TTN: variants seen among roughly 807,000 people sequenced by gnomAD.
The protein encoded by TTN is connectin.
Under a neutral mutation model 3,223.0 loss-of-function variants are expected in TTN, and 1,525 were observed. The observed-to-expected ratio is 0.47, with a 90% CI of 0.45 to 0.49. TTN has a LOEUF of 0.49. Among genes scored for constraint, TTN ranks in the 20% least tolerant of loss-of-function variants. The pLI is 0.00. For synonymous variants in TTN, 14,094 were observed against 15,161.0 expected, an observed-to-expected ratio of 0.93 and a Z score of 5.17; for missense variants, 40,786 against 43,424.0, an observed-to-expected ratio of 0.94 and a Z score of 5.40.
chr2:178,784,535 C>G (rs1272707347), intron 15 of TTN, among the ~76,000 whole-genome samples, 184 bp from the exon 16 acceptor site: 1 of 152,122 alleles, frequency 6.6e-6, no homozygotes. Context: ...CCTTGTCATG[C>G]CTGTTAGTTT....
chr2:178,620,429 G>T lies in TTN; in HGVS notation c.46092C>A (p.Gly15364=), dbSNP rs1469653601. The T allele has an allele frequency of 1.9e-6, 3 of 1,612,260 alleles. No individual in the cohort carries two copies. Among genetic ancestry groups the T allele is most frequent in the Non-Finnish European group, 2.5e-6 (3 of 1,178,890 alleles). Residue 15364 remains glycine, a synonymous_variant, in exon 248 of 363, where the codon GGC becomes GGA. Transcript: ENST00000589042. ...YKHMLTIKDC[G]FPDEGEYIVT... is the part of the protein sequence containing the mutation. ...CAATGTATTCACCTTCATCTGGGAA[G>T]CCACAGTCTTTAATGGTTAACATGT...
In TTN at chr2:178,601,791, T is replaced by C. The variant is rs1191310144; in HGVS notation, c.55303-4A>G. The C allele has an allele frequency of 2.5e-6, 4 of 1,601,704 alleles. No homozygotes were observed. In the Admixed American group the frequency reaches 6.9e-5, roughly 28 times the overall value. On this transcript the variant is annotated splice_polypyrimidine_tract_variant and splice_region_variant and intron_variant, in intron 285 of 362. Coordinates refer to ENST00000589042, the MANE Select transcript of TTN (RefSeq NM_001267550.2). Reference sequence around the variant, plus strand: ...AGGAGTTTTCAGCAGTCTCCAGCTGTACAAAGAAAATAGTAGTCATACATT... The same window carrying C: ...AGGAGTTTTCAGCAGTCTCCAGCTGCACAAAGAAAATAGTAGTCATACATT...
intron 3 of TTN, among the ~76,000 whole-genome samples, chr2:178,801,062 T>G (rs1272994178): frequency 6.6e-6 from 1 of 152,218 alleles, no homozygotes; most frequent in Non-Finnish European, 1.5e-5. Context: ...CATATTCCAG[T>G]AAGTTGCATT....
chr2:178,739,108 A>G, intron 48 of TTN, 33 bp downstream of exon 48: 1 of 1,486,612 alleles, frequency 6.7e-7, no homozygotes, highest in Non-Finnish European at 8.9e-7. Context: ...AGTGAATGTT[A>G]GCATTTGATC....
At position 178,768,114 on chromosome 2, in the gene TTN, C is replaced by T. The variant is rs2090837308; in HGVS notation, c.9205G>A (p.Val3069Ile). The change falls in exon 39 of 363, where the codon GTA becomes ATA. Residue 3069 changes from valine to isoleucine, a missense_variant. Transcript: ENST00000589042. The stretch of plus-strand genomic sequence containing the variant: ...AACATGGCTCGCTTCTTCTCCAGTA[C>T]CTTAATGTCCTTAATGTGTTTCCTA... ...EFRKHIKDIK[V>I]LEKKRAMFEC... is the part of the protein sequence containing the mutation. 2 of 1,614,038 alleles carry T rather than the reference C, an allele frequency of 1.2e-6. No homozygotes were observed. Among genetic ancestry groups the T allele is most frequent in the East Asian group, 2.2e-5 (1 of 44,814 alleles).
chr2:178,552,757 A>G lies in TTN; in HGVS notation c.90143T>C (p.Ile30048Thr), dbSNP rs760605469. ...SMKDSTKTSVILSWTKPDFDG... is the reference protein window; with the variant it reads ...SMKDSTKTSVTLSWTKPDFDG... Reference sequence around the variant, plus strand: ...AAAGTCAGGTTTGGTCCAGCTGAGGATGACAGATGTCTTTGTTGAGTCTTT... The same window carrying G: ...AAAGTCAGGTTTGGTCCAGCTGAGGGTGACAGATGTCTTTGTTGAGTCTTT... The change falls in exon 335 of 363, where the codon ATC (isoleucine) becomes ACC (threonine). Residue 30048 changes from isoleucine (I) to threonine (T), a missense_variant. Transcript: ENST00000589042. 1.9e-6 allele frequency: 3 copies of G among 1,613,844 alleles called. No individual in the cohort carries two copies. The highest frequency in any genetic ancestry group is 2.5e-6 in the Non-Finnish European group (3 of 1,179,846).
chr2:178,540,574 T>C (rs1289517617), intron 350 of TTN, among the ~76,000 whole-genome samples: 3 of 152,114 alleles, frequency 2.0e-5, no homozygotes, highest in African/African-American at 7.2e-5. Flanking sequence ...GGGCAGATAC[T>C]TGAGGTCAGG....
intron 69 of TTN, 58 bp from the exon 70 acceptor site, chr2:178,726,104 T>G: frequency 4.0e-6 from 6 of 1,486,218 alleles, no homozygotes; most frequent in Non-Finnish European, 5.4e-6. Context: ...AAATGAAAAT[T>G]TTTTATTTGT....
intron 336 of TTN, chr2:178,550,689 T>C: frequency 2.2e-6 from 1 of 458,568 alleles, no homozygotes; most frequent in South Asian, 2.6e-5. Flanking sequence ...GAGAACCTTT[T>C]CTTTATGTAC....
In TTN at chr2:178,618,673, T is replaced by C. The variant is rs753479822; in HGVS notation, c.46877A>G (p.Glu15626Gly). The C allele has an allele frequency of 6.2e-7, 1 of 1,612,314 alleles. No individual in the cohort carries two copies. Among genetic ancestry groups the C allele is most frequent in the Admixed American group, 1.7e-5 (1 of 59,868 alleles). Residue 15626 changes from glutamate to glycine, a missense_variant, in exon 251 of 363, where the codon GAA becomes GGA. Transcript: ENST00000589042. ...TAEQTSFRIL[E>G]AKKGDKGRYK... is the part of the protein sequence containing the mutation. ...CCTCCCTTTGTCTCCTTTCTTGGCT[T>C]CTAAAATTCTGAAAGAAGTTTGTTC...
rs368329612 is a variant in TTN at position 178,740,590 on chromosome 2, G to T, written c.12643C>A (p.Gln4215Lys). The change falls in exon 48 of 363, where the codon CAG (glutamine) becomes AAG (lysine). Residue 4215 changes from glutamine (Q) to lysine (K), a missense_variant. Physicochemically the swap from Gln to Lys is moderately conservative, Grantham distance 53. Coordinates refer to ENST00000589042, the MANE Select transcript of TTN (RefSeq NM_001267550.2). ...TGCATTGGAGGTTCTATTGAAGACTGTGGATAATTCCCTTCAGGTTCAGCT... is the reference window on the plus strand; with the variant it reads ...TGCATTGGAGGTTCTATTGAAGACTTTGGATAATTCCCTTCAGGTTCAGCT... ...LLAEPEGNYP[Q>K]SSIEPPMHSY... The T allele has an allele frequency of 1.2e-6, 2 of 1,613,748 alleles. No homozygotes were observed. The highest frequency in any genetic ancestry group is 1.7e-6 in the Non-Finnish European group (2 of 1,179,832).
chr2:178,748,957 T>C (rs776161581), intron 47 of TTN: 1 of 1,612,578 alleles, frequency 6.2e-7, no homozygotes, highest in Non-Finnish European at 8.5e-7. Context: ...GATTAACAAT[T>C]GATGTTCTGG....
At position 178,731,501 on chromosome 2, in the gene TTN, G is replaced by A. The variant is rs1330331184; in HGVS notation, c.17265C>T (p.Gly5755=). The part of the protein sequence containing the change: ...GTAAFQATLK[G]SLPITVTWLK... ...GCCAAGTCACCGTAATTGGCAAGGA[G>A]CCCTTCAGAGTGGCCTGGAAGGCAG... Residue 5755 remains glycine, a synonymous_variant, in exon 59 of 363, where the codon GGC becomes GGT. Transcript: ENST00000589042. The A allele has an allele frequency of 1.2e-6, 2 of 1,613,562 alleles. No homozygotes were observed. Among genetic ancestry groups the A allele is most frequent in the Admixed American group, 1.7e-5 (1 of 59,976 alleles).
chr2:178,729,447 T>C lies in TTN; in HGVS notation c.18709A>G (p.Arg6237Gly). 1 of 1,613,662 alleles carries C rather than the reference T, an allele frequency of 6.2e-7. No homozygotes were observed. ...PFEVTWLKNN[R>G]EIRSSKKYTL... ...TATTTTTTGCTGCTTCGAATTTCCC[T>C]GTTATTCTTCAGCCAAGTGACTTCA... Residue 6237 changes from arginine to glycine, a missense_variant, in exon 64 of 363, where the codon AGG (arginine) becomes GGG (glycine). Coordinates refer to ENST00000589042, the MANE Select transcript of TTN (RefSeq NM_001267550.2).
In TTN at chr2:178,634,353, T is replaced by G. The variant is rs759780488; in HGVS notation, c.42415+13A>C. 2 of 1,596,514 alleles carry G rather than the reference T, an allele frequency of 1.3e-6. No homozygotes were observed. The highest frequency in any genetic ancestry group is 3.7e-5 in the Admixed American group (2 of 54,272). ...CCTTTATGGGATGTCACAGATCTCA[T>G]TAGCTCGCTTACCTGTGACAAACAA... On this transcript the variant is annotated intron_variant, in intron 230 of 362. Coordinates refer to ENST00000589042, the MANE Select transcript of TTN (RefSeq NM_001267550.2). This position sits in a 1 kb window ranked among gnomAD's most constrained non-coding sequence, Gnocchi z 4.6.
Position 178,591,452 on chromosome 2 carries a change from C to A in TTN, c.60273G>T (p.Lys20091Asn). Residue 20091 changes from lysine to asparagine, a missense_variant, in exon 304 of 363, where the codon AAG becomes AAT. Coordinates refer to ENST00000589042, the MANE Select transcript of TTN (RefSeq NM_001267550.2). ...CAGGGAATCTGACTGTGGTTCCAGCCTTTACCACAAGACCTTCAATTAATT... is the reference window on the plus strand; with the variant it reads ...CAGGGAATCTGACTGTGGTTCCAGCATTTACCACAAGACCTTCAATTAATT... ...DVKLIEGLVV[K>N]AGTTVRFPAI... The A allele has an allele frequency of 1.3e-6, 2 of 1,597,368 alleles. No homozygotes were observed. The highest frequency in any genetic ancestry group is 1.7e-6 in the Non-Finnish European group (2 of 1,173,560).
At chr2:178,623,754 A>T (rs1485442016) in intron 242 of TTN, among the ~76,000 whole-genome samples, 1 of 151,966 alleles carries the variant, frequency 6.6e-6, no homozygotes, top group Non-Finnish European at 1.5e-5. Context: ...TGCACAAAAA[A>T]TTTGCAGAAA....
At chr2:178,746,715 T>C (rs2083669973) in intron 47 of TTN, 1 of 1,613,488 alleles carries the variant, frequency 6.2e-7, no homozygotes, top group Non-Finnish European at 8.5e-7. Flanking sequence ...TCCATTTTGA[T>C]TCTTTCATCT....
chr2:178,800,030 G>T, intron 4 of TTN, 120 bp from the exon 5 acceptor site: 1 of 1,122,822 alleles, frequency 8.9e-7, no homozygotes, highest in Non-Finnish European at 1.3e-6. Flanking sequence ...GGAGAAAATT[G>T]CAGAAAGTTT....
Sources: gnomAD v4.1 joint callset for allele counts (sites outside exome capture counted in the v4.1 genomes callset) on GRCh38, gnomAD v4.1.1 for gene constraint, Gnocchi (gnomAD v3.1) non-coding constraint, MANE v1.5 for transcripts, NCBI Gene and HGNC (gene_info 2026-07-23, HGNC 2026-07-21) for gene names.